The following RBX1 variants were observed in gnomAD, a reference collection of about 807,000 sequenced individuals.
RBX1 encodes E3 ubiquitin-protein ligase RBX1.
For missense variants in RBX1, 46 were observed against 141.4 expected (o/e 0.33, Z 3.42); for synonymous variants, 48 against 47.9 (o/e 1.00, Z -0.01).
At chr22:40,971,852 C>A (rs540694709) in intron 4 of RBX1, among the ~76,000 whole-genome samples, 1 of 152,028 alleles carries the variant, frequency 6.6e-6, no homozygotes, top group South Asian at 2.1e-4. Flanking sequence ...CCACTGCACC[C>A]GGCCCCCGTT....
chr22:40,956,320 A>C (rs2058325164), intron 2 of RBX1, among the ~76,000 whole-genome samples: 1 of 151,668 alleles, frequency 6.6e-6, no homozygotes, highest in Non-Finnish European at 1.5e-5. Flanking sequence ...TCTTTTATTT[A>C]TCCAATGAAT....
chr22:40,968,386 C>T (rs902779110), intron 4 of RBX1, among the ~76,000 whole-genome samples: 2 of 151,948 alleles, frequency 1.3e-5, no homozygotes, highest in Admixed American at 6.6e-5. Flanking sequence ...CCACCGTGCC[C>T]GGCAGGTTTC....
chr22:40,952,612 T>G (rs1027777979), intron 1 of RBX1, among the ~76,000 whole-genome samples: 1 of 152,242 alleles, frequency 6.6e-6, no homozygotes, highest in Non-Finnish European at 1.5e-5. Flanking sequence ...AAGCCAGAGT[T>G]GAATGAATGA....
At chr22:40,970,420 T>A (rs185693699) in intron 4 of RBX1, among the ~76,000 whole-genome samples, 1 of 152,140 alleles carries the variant, frequency 6.6e-6, no homozygotes, top group African/African-American at 2.4e-5. Flanking sequence ...TTTCTAAGAA[T>A]ACACACTAAT....
At chr22:40,958,909 G>T (rs1363608141) in intron 2 of RBX1, among the ~76,000 whole-genome samples, 2 of 152,064 alleles carry the variant, frequency 1.3e-5, no homozygotes, top group African/African-American at 2.4e-5. Flanking sequence ...TGCCTCCCAG[G>T]TTCAAGCTAT....
intron 2 of RBX1, among the ~76,000 whole-genome samples, chr22:40,962,120 G>C (rs1438789263): frequency 1.4e-5 from 2 of 147,486 alleles, no homozygotes; most frequent in Non-Finnish European, 2.9e-5. Flanking sequence ...TGTTTTTTGA[G>C]ACAGAGTCTT....
rs2058365848 is a variant in RBX1, at chr22:40,970,367, G to T, written c.315-2109G>T. 2.0e-5 allele frequency among the ~76,000 whole-genome samples: 3 copies of T among 151,266 alleles called. No homozygotes were observed. In the South Asian group the frequency reaches 6.2e-4, roughly 31 times the overall value. On this transcript the variant is annotated intron_variant, in intron 4 of 4. Transcript: ENST00000216225. ...CTTCGTCTCAAAAAAAAAAAAAAAG[G>T]AATGTATATTTTTGTTTTTGATAAA...
chr22:40,969,303 C>CA (rs1179554268), intron 4 of RBX1, among the ~76,000 whole-genome samples: 2 of 152,140 alleles, frequency 1.3e-5, no homozygotes, highest in African/African-American at 2.4e-5. Flanking sequence ...AACTCCATCT[C>CA]AAAAAACAAA....
Position 40,951,431 on chromosome 22 carries a change from C to G in RBX1, c.33C>G (p.Ser11Arg). The G allele has an allele frequency of 6.2e-7, 1 of 1,613,490 alleles. No homozygotes were observed. Among genetic ancestry groups the G allele is most frequent in the Non-Finnish European group, 8.5e-7 (1 of 1,179,804 alleles). Residue 11 changes from serine (S) to arginine (R), a missense_variant, in exon 1 of 5, where the codon AGC becomes AGG. Transcript: ENST00000216225. MAAAMDVDTP[S>R]GTNSGAGKKR... ...CAGCGATGGATGTGGATACCCCGAG[C>G]GGCACCAACAGCGGCGCGGGCAAGA...
At chr22:40,967,993 A>G in intron 4 of RBX1, 109 bp downstream of exon 4, 1 of 610,406 alleles carries the variant, frequency 1.6e-6, no homozygotes, top group Non-Finnish European at 2.9e-6. Context: ...TTTTAAAACT[A>G]GTTTTTGGTT....
At chr22:40,953,236 C>T (rs1260976159) in intron 1 of RBX1, among the ~76,000 whole-genome samples, 5 of 152,014 alleles carry the variant, frequency 3.3e-5, no homozygotes, top group Admixed American at 6.6e-5. Flanking sequence ...GTGATCGGCC[C>T]GCCTCGGCCT....
chr22:40,951,518 C>T, intron 1 of RBX1, 42 bp downstream of exon 1: 1 of 1,589,400 alleles, frequency 6.3e-7, no homozygotes, highest in Non-Finnish European at 8.6e-7. Flanking sequence ...GCTAGAGAGG[C>T]GCGGATCTGG....
intron 1 of RBX1, among the ~76,000 whole-genome samples, chr22:40,952,443 C>A (rs1042780863): frequency 5.3e-5 from 8 of 152,186 alleles, no homozygotes; most frequent in Non-Finnish European, 8.8e-5. Flanking sequence ...ATTGTGGCCA[C>A]TGCTGCTCAG....
At chr22:40,969,142 C>T (rs946383926) in intron 4 of RBX1, among the ~76,000 whole-genome samples, 7 of 151,884 alleles carry the variant, frequency 4.6e-5, no homozygotes, top group South Asian at 2.1e-4. Context: ...GGAGAAACCC[C>T]GTCTCTACTA....
intron 4 of RBX1, among the ~76,000 whole-genome samples, chr22:40,970,892 TACTC>T: frequency 6.6e-6 from 1 of 152,346 alleles, no homozygotes; most frequent in East Asian, 1.9e-4. Context: ...ACCTGCCAAA[TACTC>T]AGTATCTGAG....
intron 1 of RBX1, among the ~76,000 whole-genome samples, chr22:40,952,150 C>G (rs911049129): frequency 6.6e-6 from 1 of 152,158 alleles, no homozygotes; most frequent in Non-Finnish European, 1.5e-5. Context: ...TAATAAAAAG[C>G]ATGGTGGAAC....
At chr22:40,953,959 G>C (rs1193790770) in intron 2 of RBX1, among the ~76,000 whole-genome samples, 1 of 152,086 alleles carries the variant, frequency 6.6e-6, no homozygotes, top group Non-Finnish European at 1.5e-5. Context: ...AGTGAAAGGA[G>C]GAAAATAAAC....
At chr22:40,964,164 C>T (rs2058348038) in intron 3 of RBX1, 47 bp downstream of exon 3, 3 of 1,427,192 alleles carry the variant, frequency 2.1e-6, no homozygotes, top group East Asian at 2.3e-5. Context: ...AACATATTTC[C>T]ACTTTTCCTG....
intron 2 of RBX1, among the ~76,000 whole-genome samples, chr22:40,961,081 C>CTTTTTTTTTTTTTTT (rs61092253): frequency 9.3e-6 from 1 of 107,666 alleles, no homozygotes; most frequent in African/African-American, 3.7e-5. Context: ...CGTGCCTGGC[C>CTTTTTTTTTTTTTTT]TTTTTTTTTT....
Sources: allele counts gnomAD v4.1 joint callset (sites outside exome capture counted in the v4.1 genomes callset), GRCh38; gene constraint gnomAD v4.1.1; transcripts MANE v1.5; gene names NCBI Gene and HGNC (gene_info 2026-07-23, HGNC 2026-07-21).